The following PRKAR2A variants were observed in gnomAD, a reference collection of about 807,000 sequenced individuals.
PRKAR2A encodes protein kinase cAMP-dependent type II regulatory subunit alpha, also known as cAMP-dependent protein kinase type II-alpha regulatory subunit.
Under a neutral mutation model 51.9 loss-of-function variants are expected in PRKAR2A, and 29 were observed. The observed-to-expected ratio is 0.56, with a 90% CI of 0.42 to 0.76. The LOEUF (loss-of-function observed/expected upper bound fraction) is 0.76. Ranked by LOEUF, PRKAR2A falls within the 30% of genes least tolerant of loss-of-function variation. The probability of loss-of-function intolerance (pLI) is 0.00; values close to 1 mark genes in which losing one functional copy is unlikely to be tolerated. For missense variants in PRKAR2A, 445 were observed against 512.1 expected (o/e 0.87, Z 1.26); for synonymous variants, 178 against 186.2 (o/e 0.96, Z 0.36).
At chr3:48,797,609 T>C (rs1480589715) in intron 2 of PRKAR2A, among the ~76,000 whole-genome samples, 1 of 152,230 alleles carries the variant, frequency 6.6e-6, no homozygotes, top group Non-Finnish European at 1.5e-5. Context: ...TCTACTTGTG[T>C]GGCCCATGCC....
At position 48,800,500 on chromosome 3, in the gene PRKAR2A, A is replaced by C. The variant is rs1376630867; in HGVS notation, c.299-6451T>G. Reference sequence around the variant, plus strand: ...TGACTCCAGCCTGAGTAACAGAGCGAGACTCCGTCTCAAAAAAAAAAAAAA... The same window carrying C: ...TGACTCCAGCCTGAGTAACAGAGCGCGACTCCGTCTCAAAAAAAAAAAAAA... On this transcript the variant is annotated intron_variant, in intron 2 of 10. Coordinates refer to ENST00000265563, the MANE Select transcript of PRKAR2A (RefSeq NM_004157.4). Among the ~76,000 whole-genome samples, 10 of 150,364 alleles carry C rather than the reference A, an allele frequency of 6.7e-5. 1 individual carries two copies. Among genetic ancestry groups the C allele is most frequent in the African/African-American group, 2.4e-4 (10 of 40,822 alleles).
intron 1 of PRKAR2A, among the ~76,000 whole-genome samples, chr3:48,845,667 A>C (rs9284885): frequency 0.76 from 115,355 of 152,150 alleles, 44,201 homozygotes; most frequent in East Asian, 1. Context: ...GTTATTTTGG[A>C]CAGGAGCAGT....
At chr3:48,781,137 A>ATT (rs71077735) in intron 5 of PRKAR2A, among the ~76,000 whole-genome samples, 29 of 124,302 alleles carry the variant, frequency 2.3e-4, no homozygotes, top group African/African-American at 4.0e-4. Flanking sequence ...TGCCTGGCTA[A>ATT]TTTTTTTTTT....
chr3:48,799,802 G>T (rs1156231833), intron 2 of PRKAR2A, among the ~76,000 whole-genome samples: 1 of 152,176 alleles, frequency 6.6e-6, no homozygotes, highest in Non-Finnish European at 1.5e-5. Context: ...AATGTGCTTT[G>T]ATGTTTCGAC....
chr3:48,834,041 A>G (rs2083239717), intron 1 of PRKAR2A, among the ~76,000 whole-genome samples: 1 of 151,832 alleles, frequency 6.6e-6, no homozygotes, highest in African/African-American at 2.4e-5. Flanking sequence ...TCTTAAAAAA[A>G]AAAAAAAAAG....
intron 4 of PRKAR2A, among the ~76,000 whole-genome samples, chr3:48,786,897 C>T (rs891389281): frequency 6.6e-6 from 1 of 151,948 alleles, no homozygotes; most frequent in African/African-American, 2.4e-5. Context: ...CAGAGGGACA[C>T]AATATAATTT....
At position 48,831,926 on chromosome 3, in the gene PRKAR2A, A is replaced by G. The variant is rs1488867837; in HGVS notation, c.262+15409T>C. Among the ~76,000 whole-genome samples the G allele has an allele frequency of 2.6e-5, 4 of 152,236 alleles. No individual in the cohort carries two copies. The East Asian group carries it at 5.8e-4, about 22-fold the overall frequency. ...AGCCACCACAACTGGCCTCCAAAAA[A>G]TCTTCATCCGAATTTCTACATCGTT... On this transcript the variant is annotated intron_variant, in intron 1 of 10. Transcript: ENST00000265563.
intron 9 of PRKAR2A, among the ~76,000 whole-genome samples, chr3:48,755,046 G>A (rs1244788862): frequency 7.1e-6 from 1 of 140,442 alleles, no homozygotes; most frequent in Non-Finnish European, 1.5e-5. Flanking sequence ...TGCCCAGGCT[G>A]GAGTACAGTG....
intron 1 of PRKAR2A, among the ~76,000 whole-genome samples, chr3:48,846,056 C>T (rs1354025705): frequency 6.6e-6 from 1 of 151,990 alleles, no homozygotes; most frequent in Non-Finnish European, 1.5e-5. Context: ...GAGTTTATTG[C>T]AAACTCTTGG....
chr3:48,791,016 A>G (rs927045316), intron 3 of PRKAR2A, among the ~76,000 whole-genome samples: 6 of 152,046 alleles, frequency 3.9e-5, no homozygotes, highest in African/African-American at 1.4e-4. Context: ...TGGCCGGGCG[A>G]GGTGGCTCAT....
At chr3:48,811,043 G>A (rs1334250333) in intron 1 of PRKAR2A, among the ~76,000 whole-genome samples, 1 of 152,044 alleles carries the variant, frequency 6.6e-6, no homozygotes, top group Admixed American at 6.6e-5. Context: ...GTCAGGCGAG[G>A]TGGCATGCAC....
At position 48,751,455 on chromosome 3, in the gene PRKAR2A, A is replaced by G. The variant is rs1406275149; in HGVS notation, c.*130T>C. ...TGACTTTCAAGTTTTCTAAATGCCC[A>G]TAACCACAGCAATGGCAGCAGTGGC... On this transcript the variant is annotated 3_prime_UTR_variant, in exon 11 of 11. Transcript: ENST00000265563. The G allele has an allele frequency of 2.9e-6, 4 of 1,369,472 alleles. No homozygotes were observed. The highest frequency in any genetic ancestry group is 1.9e-5 in the Admixed American group (1 of 52,850). 84.8% of individuals were successfully genotyped at this position (1,369,472 alleles called of 1,614,324 possible).
At chr3:48,846,196 T>C (rs2083458662) in intron 1 of PRKAR2A, among the ~76,000 whole-genome samples, 1 of 149,016 alleles carries the variant, frequency 6.7e-6, no homozygotes, top group Non-Finnish European at 1.5e-5. Context: ...AACAAGAATA[T>C]AGTTACTGGG....
At chr3:48,791,447 A>C (rs1295489833) in intron 3 of PRKAR2A, among the ~76,000 whole-genome samples, 1 of 150,076 alleles carries the variant, frequency 6.7e-6, no homozygotes, top group African/African-American at 2.5e-5. Context: ...ACACAAAATT[A>C]GCTGGGCATG....
chr3:48,773,713 CT>C (rs201940511), intron 5 of PRKAR2A, among the ~76,000 whole-genome samples: 3,040 of 151,624 alleles, frequency 0.02, 31 homozygotes, highest in African/African-American at 0.03. Flanking sequence ...ATGCCCCTTC[CT>C]TTTTTTCCCC....
intron 8 of PRKAR2A, among the ~76,000 whole-genome samples, chr3:48,758,086 A>G (rs867980993): frequency 6.6e-6 from 1 of 151,320 alleles, no homozygotes; most frequent in African/African-American, 2.4e-5. Context: ...ACATGCATAC[A>G]TACATACATA....
intron 1 of PRKAR2A, 47 bp from the exon 2 acceptor site, chr3:48,807,731 C>G: frequency 1.3e-6 from 2 of 1,538,298 alleles, no homozygotes; most frequent in Non-Finnish European, 1.8e-6. Context: ...GTCACCAGGC[C>G]GCATTTTTAT....
At position 48,786,224 on chromosome 3, in the gene PRKAR2A, A is replaced by G. The variant is rs897718161; in HGVS notation, c.436-3132T>C. ...ACTGCAACCTCTGCTTCCCAGGTTC[A>G]AGTGATTCTCCTGCCTCAGCCTCCC... On this transcript the variant is annotated intron_variant, in intron 4 of 10. Transcript: ENST00000265563. Among the ~76,000 whole-genome samples, 19 of 149,220 alleles carry G rather than the reference A, an allele frequency of 1.3e-4. No homozygotes were observed. In the East Asian group the frequency reaches 3.2e-3, roughly 25 times the overall value.
intron 1 of PRKAR2A, among the ~76,000 whole-genome samples, chr3:48,844,709 C>T (rs2083433818): frequency 6.7e-6 from 1 of 148,600 alleles, no homozygotes; most frequent in East Asian, 2.0e-4. Context: ...AAATTGGAAA[C>T]CATCATTCTC....
Sources: gnomAD v4.1 joint callset for allele counts (sites outside exome capture counted in the v4.1 genomes callset) on GRCh38, gnomAD v4.1.1 for gene constraint, MANE v1.5 for transcripts, NCBI Gene and HGNC (gene_info 2026-07-23, HGNC 2026-07-21) for gene names.